Variants in PHKG1 observed in about 807,000 individuals in gnomAD.
The protein encoded by PHKG1 is phosphorylase b kinase gamma catalytic chain, skeletal muscle/heart isoform.
PHKG1 carries 48 observed loss-of-function variants against 50.5 expected under a neutral mutation model. That is an observed-to-expected ratio of 0.95 (90% CI 0.75 to 1.21). The LOEUF (loss-of-function observed/expected upper bound fraction) is 1.21. Ranked by LOEUF, PHKG1 falls within the 50% of genes most tolerant of loss-of-function variation. The pLI is 0.00. For synonymous variants in PHKG1, 204 were observed against 212.8 expected, an observed-to-expected ratio of 0.96 and a Z score of 0.36; for missense variants, 487 against 519.5, an observed-to-expected ratio of 0.94 and a Z score of 0.61.
chr7:56,083,562 G>T (rs1212626153), intron 5 of PHKG1, 88 bp downstream of exon 5: 5 of 1,495,502 alleles, frequency 3.3e-6, no homozygotes, highest in Non-Finnish European at 3.7e-6. Flanking sequence ...GCCCAGACAT[G>T]TGCACGCCCT....
In PHKG1 at chr7:56,081,941, C is replaced by G. The variant is rs142859782; in HGVS notation, c.744G>C (p.Gln248His). 14 of 1,613,824 alleles carry G rather than the reference C, an allele frequency of 8.7e-6. No homozygotes were observed. In the African/African-American group the frequency reaches 1.9e-4, roughly 22 times the overall value. Residue 248 changes from glutamine (Q) to histidine (H), a missense_variant, in exon 8 of 10, where the codon CAG becomes CAC. Coordinates refer to ENST00000297373, the MANE Select transcript of PHKG1 (RefSeq NM_006213.5). The surrounding 1 kb of genome is among the most constrained non-coding windows in gnomAD (Gnocchi z 4.6). ...MLRMIMSGNY[Q>H]FGSPEWDDYS... is the part of the protein sequence containing the mutation. ...AATCATCCCACTCGGGCGAGCCAAA[C>G]TGGTAGTTGCCGCTCATGATCATCC...
rs1408252929 is a variant in PHKG1, at chr7:56,081,333, C to T, written c.919-34G>A. ...CCAGGCGGAGAAGCTGGGCTGCAGC[C>T]CCCGCCCTGCCAGGCCCTGCCCCTC... On this transcript the variant is annotated intron_variant, in intron 9 of 9. Transcript: ENST00000297373. The surrounding 1 kb of genome is among the most constrained non-coding windows in gnomAD (Gnocchi z 4.6). 3 of 1,575,430 alleles carry T rather than the reference C, an allele frequency of 1.9e-6. No individual in the cohort carries two copies. The highest frequency in any genetic ancestry group is 2.6e-6 in the Non-Finnish European group (3 of 1,167,386).
chr7:56,082,927 G>A (rs1796080477), intron 6 of PHKG1, among the ~76,000 whole-genome samples: 3 of 152,072 alleles, frequency 2.0e-5, no homozygotes, highest in Non-Finnish European at 2.9e-5. Flanking sequence ...CCAACATGGT[G>A]AAACCCTGTC....
chr7:56,087,804 G>A lies in PHKG1; in HGVS notation c.84-28C>T, dbSNP rs374883065. 377 of 1,588,506 alleles carry A rather than the reference G, an allele frequency of 2.4e-4. 2 individuals are homozygous for A. The highest frequency in any genetic ancestry group is 1.9e-4 in the Non-Finnish European group (218 of 1,165,404). On this transcript the variant is annotated intron_variant, in intron 2 of 9. Coordinates refer to ENST00000297373, the MANE Select transcript of PHKG1 (RefSeq NM_006213.5). ...GGGAGTGCAGAGGACAGATGGCCTC[G>A]GGGGGCCCCTCACCCCATGGGGGGT...
chr7:56,081,821 C>A lies in PHKG1; in HGVS notation c.793-66G>T. On this transcript the variant is annotated intron_variant, in intron 8 of 9. Transcript: ENST00000297373. This position sits in a 1 kb window ranked among gnomAD's most constrained non-coding sequence, Gnocchi z 4.6. ...GTCCCCTCCAGCATGTCAGGAAAGGCAGGGCCTCCCCGGGCAGGGGCGCCT... is the reference window on the plus strand; with the variant it reads ...GTCCCCTCCAGCATGTCAGGAAAGGAAGGGCCTCCCCGGGCAGGGGCGCCT... 3 of 1,608,814 alleles carry A rather than the reference C, an allele frequency of 1.9e-6. No homozygotes were observed. Among genetic ancestry groups the A allele is most frequent in the Non-Finnish European group, 2.5e-6 (3 of 1,177,048 alleles).
rs574753146 is a variant in PHKG1 at position 56,092,897 on chromosome 7, G to A, written c.-96C>T. The A allele has an allele frequency of 6.6e-6, 1 of 152,366 alleles. No homozygotes were observed. Among genetic ancestry groups the A allele is most frequent in the East Asian group, 1.9e-4 (1 of 5,184 alleles). 9.4% of individuals were successfully genotyped at this position (152,366 alleles called of 1,614,324 possible). ...AGAATCCCAAAGCCCCCCGGGGAGAGGGGACCACAGAGGGCTGAAGCCGTG... is the reference window on the plus strand; with the variant it reads ...AGAATCCCAAAGCCCCCCGGGGAGAAGGGACCACAGAGGGCTGAAGCCGTG... On this transcript the variant is annotated 5_prime_UTR_variant, in exon 1 of 10. Transcript: ENST00000297373.
chr7:56,081,788 C>A lies in PHKG1; in HGVS notation c.793-33G>T, dbSNP rs1421142488. 1 of 1,522,600 alleles carries A rather than the reference C, an allele frequency of 6.6e-7. No individual in the cohort carries two copies. Among genetic ancestry groups the A allele is most frequent in the Admixed American group, 1.8e-5 (1 of 56,456 alleles). The allele number at this position is 1,522,600 out of a possible 1,614,324, so 94.3% of individuals were successfully genotyped here. A position where few individuals can be genotyped will look rare whatever the true frequency, so the allele number is the denominator to read the frequency against. On this transcript the variant is annotated intron_variant, in intron 8 of 9. Transcript: ENST00000297373. The surrounding 1 kb of genome is among the most constrained non-coding windows in gnomAD (Gnocchi z 4.6). ...AGGAGGAGAGGGGAACCGAGAATGT[C>A]AAGGCAGGTCCCCTCCAGCATGTCA... is the stretch of plus-strand genomic sequence containing the variant.
chr7:56,085,736 G>A (rs1234052563), intron 4 of PHKG1, among the ~76,000 whole-genome samples: 9 of 151,976 alleles, frequency 5.9e-5, no homozygotes, highest in Non-Finnish European at 1.0e-4. Context: ...AGGCCGAGGC[G>A]AGTGGATCAC....
chr7:56,086,914 G>T, intron 4 of PHKG1, 56 bp downstream of exon 4: 1 of 1,361,372 alleles, frequency 7.3e-7, no homozygotes, highest in Non-Finnish European at 1.1e-6. Flanking sequence ...GGTTGGGGAG[G>T]GGACAGCAGT....
intron 4 of PHKG1, chr7:56,084,300 G>T: frequency 9.8e-7 from 1 of 1,015,678 alleles, no homozygotes; most frequent in Non-Finnish European, 1.5e-6. Flanking sequence ...ATGGCTGGAG[G>T]CTGAAAGAGG....
chr7:56,089,100 C>G, intron 1 of PHKG1, 125 bp from the exon 2 acceptor site: 2 of 568,558 alleles, frequency 3.5e-6, no homozygotes, highest in South Asian at 4.5e-5. Context: ...AGTGAATGTT[C>G]CAAATAAATG....
At chr7:56,082,755 C>A (rs1352982507) in intron 6 of PHKG1, among the ~76,000 whole-genome samples, 1 of 152,190 alleles carries the variant, frequency 6.6e-6, no homozygotes, top group Non-Finnish European at 1.5e-5. Context: ...CTGGTCACTT[C>A]TAGCCATCCT....
At chr7:56,088,684 C>T in intron 2 of PHKG1, 175 bp downstream of exon 2, 1 of 527,976 alleles carries the variant, frequency 1.9e-6, no homozygotes, top group South Asian at 2.7e-5. Flanking sequence ...GGAGAGGTTT[C>T]TCTTATCTGT....
At chr7:56,091,505 A>G (rs1329826435) in intron 1 of PHKG1, among the ~76,000 whole-genome samples, 2 of 143,826 alleles carry the variant, frequency 1.4e-5, no homozygotes, top group East Asian at 2.1e-4. Context: ...CAACAGAGTG[A>G]GACTCCATCT....
rs774822867 is a variant in PHKG1, at chr7:56,080,673, C to T, written c.*381G>A. 2 of 254,834 alleles carry T rather than the reference C, an allele frequency of 7.8e-6. No individual in the cohort carries two copies. The highest frequency in any genetic ancestry group is 1.5e-5 in the Non-Finnish European group (2 of 130,650). 15.8% of individuals were successfully genotyped at this position (254,834 alleles called of 1,614,324 possible). ...ATCTCCTGCAATTGTGTATCTCAGACATTTGTGTCTTTGATCCTCACCCTG... is the reference window on the plus strand; with the variant it reads ...ATCTCCTGCAATTGTGTATCTCAGATATTTGTGTCTTTGATCCTCACCCTG... On this transcript the variant is annotated 3_prime_UTR_variant, in exon 10 of 10. Transcript: ENST00000297373.
At chr7:56,092,035 G>A (rs1419420367) in intron 1 of PHKG1, among the ~76,000 whole-genome samples, 1 of 152,238 alleles carries the variant, frequency 6.6e-6, no homozygotes, top group Non-Finnish European at 1.5e-5. Flanking sequence ...TCCATGAGCA[G>A]AAAGTACACT....
Position 56,083,316 on chromosome 7 carries a change from C to T in PHKG1, c.509G>A (p.Gly170Asp). The change falls in exon 6 of 10, where the codon GGC becomes GAC. Residue 170 changes from glycine to aspartate, a missense_variant. By Grantham distance (94) the Gly-to-Asp change is moderately conservative. Transcript: ENST00000297373. ...DNMNIKLTDF[G>D]FSCQLEPGER... ...TCCCGGCTCCAGCTGGCAGGAAAAG[C>T]CAAAGTCTGTGAGCTTGATGTTCAT... 6.2e-7 allele frequency: 1 copy of T among 1,614,058 alleles called. No homozygotes were observed. The highest frequency in any genetic ancestry group is 8.5e-7 in the Non-Finnish European group (1 of 1,179,978).
intron 6 of PHKG1, among the ~76,000 whole-genome samples, 183 bp from the exon 7 acceptor site, chr7:56,082,436 T>C (rs1796051299): frequency 6.6e-6 from 1 of 151,792 alleles, no homozygotes; most frequent in African/African-American, 2.4e-5. Flanking sequence ...CTACTAAAAA[T>C]ACAAAAATTA....
At chr7:56,087,839 G>C in intron 2 of PHKG1, 63 bp from the exon 3 acceptor site, 1 of 1,360,904 alleles carries the variant, frequency 7.3e-7, no homozygotes, top group Non-Finnish European at 1.0e-6. Flanking sequence ...TCCCAGATTA[G>C]AGGCTGCAGC....
Sources: gnomAD v4.1 joint callset for allele counts (sites outside exome capture counted in the v4.1 genomes callset) on GRCh38, gnomAD v4.1.1 for gene constraint, Gnocchi (gnomAD v3.1) non-coding constraint, MANE v1.5 for transcripts, NCBI Gene and HGNC (gene_info 2026-07-23, HGNC 2026-07-21) for gene names.